LIN7A: variants seen among roughly 807,000 people sequenced by gnomAD.
LIN7A encodes protein lin-7 homolog A.
A neutral mutation model predicts 29.8 loss-of-function variants in LIN7A; 25 were observed. The observed-to-expected ratio is 0.84, with a 90% confidence interval of 0.61 to 1.17. The LOEUF (loss-of-function observed/expected upper bound fraction) is 1.17, where lower values mean the gene tolerates loss of function less well. Ranked by LOEUF, LIN7A falls within the 50% of genes most tolerant of loss-of-function variation. The probability of loss-of-function intolerance (pLI) is 0.00; values close to 1 mark genes in which losing one functional copy is unlikely to be tolerated. For missense variants in LIN7A, 239 were observed against 287.0 expected (o/e 0.83, Z 1.21); for synonymous variants, 118 against 107.5 (o/e 1.10, Z -0.60).
intron 1 of LIN7A, chr12:80,936,371 A>G (rs1191738190): frequency 6.6e-6 from 1 of 152,316 alleles, no homozygotes; most frequent in African/African-American, 2.4e-5. Context: ...AGTCACCCAC[A>G]GTCTCTCCAA....
At chr12:80,837,718 A>C (rs1872644204) in intron 4 of LIN7A, among the ~76,000 whole-genome samples, 1 of 152,208 alleles carries the variant, frequency 6.6e-6, no homozygotes, top group Non-Finnish European at 1.5e-5. Flanking sequence ...TAACGGAGTT[A>C]AAAAATCCTG....
At chr12:80,806,760 T>A (rs1041451237) in intron 5 of LIN7A, among the ~76,000 whole-genome samples, 2 of 152,200 alleles carry the variant, frequency 1.3e-5, no homozygotes, top group African/African-American at 4.8e-5. Flanking sequence ...TCCTTAAAAA[T>A]CAAATTAATT....
intron 2 of LIN7A, among the ~76,000 whole-genome samples, chr12:80,874,471 T>C (rs1234703223): frequency 6.6e-6 from 1 of 152,248 alleles, no homozygotes; most frequent in Non-Finnish European, 1.5e-5. Flanking sequence ...CTAAATTTTT[T>C]ACATTGTTTC....
chr12:80,864,092 A>G (rs1211001446), intron 2 of LIN7A, among the ~76,000 whole-genome samples: 1 of 152,156 alleles, frequency 6.6e-6, no homozygotes, highest in African/African-American at 2.4e-5. Flanking sequence ...CATTATTTAT[A>G]TCTATAGAAG....
At chr12:80,860,171 C>A (rs542764321) in intron 2 of LIN7A, among the ~76,000 whole-genome samples, 3 of 152,256 alleles carry the variant, frequency 2.0e-5, no homozygotes, top group African/African-American at 7.2e-5. Flanking sequence ...AAAGTATATG[C>A]ATTTCCAGTG....
At chr12:80,825,623 G>A (rs1872028200) in intron 4 of LIN7A, among the ~76,000 whole-genome samples, 1 of 152,166 alleles carries the variant, frequency 6.6e-6, no homozygotes, top group South Asian at 2.1e-4. Flanking sequence ...CCTATAGGAA[G>A]TTTTTGAGAA....
intron 1 of LIN7A, among the ~76,000 whole-genome samples, chr12:80,928,701 A>G (rs1877734843): frequency 6.6e-6 from 1 of 151,970 alleles, no homozygotes; most frequent in Non-Finnish European, 1.5e-5. Context: ...GTTTAAGTAG[A>G]TCCCATTTGT....
intron 2 of LIN7A, among the ~76,000 whole-genome samples, chr12:80,854,485 C>CAGAAA (rs370465323): frequency 2.7e-5 from 1 of 37,112 alleles, no homozygotes; most frequent in Non-Finnish European, 5.0e-5. Flanking sequence ...TGTTGCTAAG[C>CAGAAA]CAAAAAAAAA....
At chr12:80,892,786 A>G (rs1400089388) in intron 1 of LIN7A, among the ~76,000 whole-genome samples, 1 of 152,190 alleles carries the variant, frequency 6.6e-6, no homozygotes, top group Non-Finnish European at 1.5e-5. Flanking sequence ...GGGGCTTTTT[A>G]AAGCCCTTCA....
At chr12:80,913,170 A>G (rs971807666) in intron 1 of LIN7A, among the ~76,000 whole-genome samples, 6 of 152,204 alleles carry the variant, frequency 3.9e-5, no homozygotes, top group Non-Finnish European at 8.8e-5. Flanking sequence ...GACCTTGAAA[A>G]TGCATCTACA....
chr12:80,923,077 C>A (rs1412613962), intron 1 of LIN7A, among the ~76,000 whole-genome samples: 2 of 152,238 alleles, frequency 1.3e-5, no homozygotes, highest in Middle Eastern at 3.4e-3. Flanking sequence ...AGAAGATCCA[C>A]CCTCACCTAA....
intron 1 of LIN7A, among the ~76,000 whole-genome samples, chr12:80,933,833 T>C (rs1449271750): frequency 6.6e-6 from 1 of 152,098 alleles, no homozygotes; most frequent in Non-Finnish European, 1.5e-5. Context: ...CAGCCCCCAT[T>C]TATAGCACTC....
intron 1 of LIN7A, among the ~76,000 whole-genome samples, chr12:80,898,893 AT>A (rs1333385575): frequency 6.6e-6 from 1 of 152,126 alleles, no homozygotes; most frequent in African/African-American, 2.4e-5. Context: ...CACACAGTCT[AT>A]GGGGTTTTCT....
chr12:80,830,359 G>T (rs1408604276), intron 4 of LIN7A, among the ~76,000 whole-genome samples: 1 of 152,118 alleles, frequency 6.6e-6, no homozygotes, highest in Non-Finnish European at 1.5e-5. Context: ...AGATAAGTTA[G>T]CAAATTATTC....
At position 80,796,831 on chromosome 12, in the gene LIN7A, A is replaced by G. The variant is rs948982100; in HGVS notation, c.*896T>C. On this transcript the variant is annotated 3_prime_UTR_variant, in exon 6 of 6. Coordinates refer to ENST00000552864, the MANE Select transcript of LIN7A (RefSeq NM_004664.4). ...TCAAAAAGTATAAAACTCAAAAAAT[A>G]TTGAGAGTGGGTTTATGTATATAAC... 2 of 152,168 alleles carry G rather than the reference A, an allele frequency of 1.3e-5. No individual in the cohort carries two copies. Among genetic ancestry groups the G allele is most frequent in the Non-Finnish European group, 2.9e-5 (2 of 68,018 alleles). 9.4% of individuals were successfully genotyped at this position (152,168 alleles called of 1,614,324 possible).
At chr12:80,836,735 T>C (rs1396981447) in intron 4 of LIN7A, among the ~76,000 whole-genome samples, 2 of 152,162 alleles carry the variant, frequency 1.3e-5, no homozygotes, top group East Asian at 3.8e-4. Flanking sequence ...CCTTGTTTTC[T>C]TCTTTCCCCT....
chr12:80,888,854 G>C (rs889615260), intron 2 of LIN7A, among the ~76,000 whole-genome samples: 1 of 152,114 alleles, frequency 6.6e-6, no homozygotes. Context: ...TGTTTAGTCA[G>C]TAGGAGGTTA....
intron 4 of LIN7A, among the ~76,000 whole-genome samples, chr12:80,813,056 G>T (rs1263917106): frequency 6.6e-6 from 1 of 152,004 alleles, no homozygotes; most frequent in East Asian, 1.9e-4. Context: ...TGTTGCCCAG[G>T]CTAGAGTGCA....
At chr12:80,907,491 T>C (rs1367349137) in intron 1 of LIN7A, among the ~76,000 whole-genome samples, 1 of 152,194 alleles carries the variant, frequency 6.6e-6, no homozygotes, top group Non-Finnish European at 1.5e-5. Flanking sequence ...AGTCCTAAAA[T>C]TGTAACTGAA....
Sources: allele counts gnomAD v4.1 joint callset (sites outside exome capture counted in the v4.1 genomes callset), GRCh38; gene constraint gnomAD v4.1.1; transcripts MANE v1.5; gene names NCBI Gene and HGNC (gene_info 2026-07-23, HGNC 2026-07-21).